The following MALT1 variants were observed in gnomAD, a reference collection of about 807,000 sequenced individuals.
MALT1 encodes the protein mucosa-associated lymphoid tissue lymphoma translocation protein 1.
In MALT1, 36 loss-of-function variants were observed where a neutral mutation model predicts 85.5. That is an observed-to-expected ratio of 0.42 (90% CI 0.32 to 0.56). The LOEUF (loss-of-function observed/expected upper bound fraction) is 0.56. Ranked by LOEUF, MALT1 falls within the 20% of genes least tolerant of loss-of-function variation. The pLI is 0.10. For missense variants in MALT1, 716 were observed against 981.6 expected, an observed-to-expected ratio of 0.73 and a Z score of 3.62; for synonymous variants, 359 against 361.3, an observed-to-expected ratio of 0.99 and a Z score of 0.07.
intron 15 of MALT1, 96 bp from the exon 16 acceptor site, chr18:58,745,570 G>A (rs2055354799): frequency 9.2e-6 from 10 of 1,084,092 alleles, no homozygotes; most frequent in East Asian, 4.8e-5. Flanking sequence ...CAGAATTCAC[G>A]AGAGGATAGT....
At chr18:58,711,938 T>G (rs899665027) in intron 7 of MALT1, among the ~76,000 whole-genome samples, 1 of 152,212 alleles carries the variant, frequency 6.6e-6, no homozygotes, top group Non-Finnish European at 1.5e-5. Context: ...ATCGAACTCC[T>G]CTTCCTCTCC....
At position 58,676,332 on chromosome 18, in the gene MALT1, ACCAGCCTGAGCAAC is replaced by A. The variant is rs532192427; in HGVS notation, c.209+4481_209+4494del. Reference sequence around the variant, plus strand: ...GATTACTTATGCCTAGGACTTCAAAACCAGCCTGAGCAACATAGATAGACCCCATTAAAAAAAAA... The same window carrying A: ...GATTACTTATGCCTAGGACTTCAAAAATAGATAGACCCCATTAAAAAAAAA... On this transcript the variant is annotated intron_variant, in intron 1 of 16. Coordinates refer to ENST00000649217, the MANE Select transcript of MALT1 (RefSeq NM_006785.4). 1.3e-3 allele frequency among the ~76,000 whole-genome samples: 196 copies of A among 152,260 alleles called. 2 individuals are homozygous for A. The highest frequency in any genetic ancestry group is 4.6e-3 in the African/African-American group (189 of 41,532).
Position 58,751,458 on chromosome 18 carries a change from T to C in MALT1, c.*3616T>C, listed in dbSNP as rs1294834131. On this transcript the variant is annotated 3_prime_UTR_variant, in exon 17 of 17. Coordinates refer to ENST00000649217, the MANE Select transcript of MALT1 (RefSeq NM_006785.4). ...CCCAGGCTGGAGTGCAGCGACATAGTCTCAGCTCACTGCAGCATCCGTGGA... is the reference window on the plus strand; with the variant it reads ...CCCAGGCTGGAGTGCAGCGACATAGCCTCAGCTCACTGCAGCATCCGTGGA... The C allele has an allele frequency of 6.6e-6, 1 of 152,040 alleles. No homozygotes were observed. The highest frequency in any genetic ancestry group is 6.5e-5 in the Admixed American group (1 of 15,270). 9.4% of individuals were successfully genotyped at this position (152,040 alleles called of 1,614,324 possible).
chr18:58,697,555 G>A (rs2054607916), intron 3 of MALT1, among the ~76,000 whole-genome samples: 1 of 151,938 alleles, frequency 6.6e-6, no homozygotes, highest in Non-Finnish European at 1.5e-5. Flanking sequence ...TGCACCTAAA[G>A]GTATTTTTTT....
intron 4 of MALT1, among the ~76,000 whole-genome samples, chr18:58,706,729 G>A (rs879448655): frequency 1.3e-5 from 2 of 152,096 alleles, no homozygotes; most frequent in Admixed American, 1.3e-4. Context: ...TATTTTCGTC[G>A]TGTATAGAAT....
chr18:58,698,212 G>A (rs758687227), intron 3 of MALT1, among the ~76,000 whole-genome samples: 16 of 151,868 alleles, frequency 1.1e-4, no homozygotes, highest in African/African-American at 2.2e-4. Context: ...GATTACAGGC[G>A]CGCATCACCA....
chr18:58,690,769 G>T, intron 2 of MALT1: 1 of 205,652 alleles, frequency 4.9e-6, no homozygotes, highest in Admixed American at 5.0e-5. Context: ...AGGCCCTCTG[G>T]CTTACCGAGG....
chr18:58,745,436 T>A (rs2055352697), intron 15 of MALT1, among the ~76,000 whole-genome samples: 1 of 152,172 alleles, frequency 6.6e-6, no homozygotes, highest in African/African-American at 2.4e-5. Context: ...GGAAGCTCTT[T>A]CAGAGCTCAC....
intron 4 of MALT1, among the ~76,000 whole-genome samples, chr18:58,702,732 T>C (rs2054691838): frequency 6.6e-6 from 1 of 152,206 alleles, no homozygotes; most frequent in East Asian, 1.9e-4. Context: ...AACTCTAGCG[T>C]TGATGTCAGC....
At position 58,671,812 on chromosome 18, in the gene MALT1, C is replaced by A; in HGVS notation, c.169C>A (p.Leu57Met). 1 of 1,236,230 alleles carries A rather than the reference C, an allele frequency of 8.1e-7. No homozygotes were observed. 76.6% of individuals were successfully genotyped at this position (1,236,230 alleles called of 1,614,324 possible). A position where few individuals can be genotyped will look rare whatever the true frequency, so the allele number is the denominator to read the frequency against. The change falls in exon 1 of 17, where the codon CTG (leucine) becomes ATG (methionine). Residue 57 changes from leucine (L) to methionine (M), a missense_variant. Leu to Met is a conservative substitution (Grantham distance 15, BLOSUM62 2). Around this residue, in one of 4 missense-constraint regions of MALT1, gnomAD observed 290 missense variants for 380.5 expected, o/e 0.76. Transcript: ENST00000649217. ...QAPEGRGWRR[L>M]AELAGSRGRL... ...GCCCGAGGGCCGGGGCTGGAGGAGA[C>A]TGGCGGAGCTGGCGGGGAGTCGCGG...
chr18:58,747,284 G>A (rs1316029302), intron 16 of MALT1, 121 bp from the exon 17 acceptor site: 15 of 657,672 alleles, frequency 2.3e-5, no homozygotes, highest in African/African-American at 7.2e-5. Flanking sequence ...TGAGGATTTG[G>A]AACCTGGGAA....
chr18:58,739,076 TGAA>T (rs1038465267), intron 13 of MALT1, among the ~76,000 whole-genome samples: 19 of 152,242 alleles, frequency 1.2e-4, no homozygotes, highest in African/African-American at 4.1e-4. Context: ...TCTGCAGCTA[TGAA>T]GAAGAAAATA....
chr18:58,751,649 C>A lies in MALT1; in HGVS notation c.*3807C>A, dbSNP rs547700438. 1 of 152,148 alleles carries A rather than the reference C, an allele frequency of 6.6e-6. No individual in the cohort carries two copies. Among genetic ancestry groups the A allele is most frequent in the East Asian group, 1.9e-4 (1 of 5,188 alleles). The allele number at this position is 152,148 out of a possible 1,614,324, so 9.4% of individuals were successfully genotyped here. On this transcript the variant is annotated 3_prime_UTR_variant, in exon 17 of 17. Coordinates refer to ENST00000649217, the MANE Select transcript of MALT1 (RefSeq NM_006785.4). The stretch of plus-strand genomic sequence containing the variant: ...CTTTGTAATATTAAAGTAGGATTTA[C>A]ACAAGTGGAATTTAGAAAAGATGAT...
chr18:58,731,535 T>G (rs1487632922), intron 10 of MALT1, among the ~76,000 whole-genome samples: 1 of 152,246 alleles, frequency 6.6e-6, no homozygotes, highest in Non-Finnish European at 1.5e-5. Context: ...TTAGCTTTCA[T>G]TCCAGGTCCA....
In MALT1 at chr18:58,721,376, G is replaced by A. The variant is rs988911431; in HGVS notation, c.1019-1672G>A. 3.9e-5 allele frequency among the ~76,000 whole-genome samples: 6 copies of A among 152,122 alleles called. No homozygotes were observed. In the East Asian group the frequency reaches 5.8e-4, roughly 15 times the overall value. ...GCCTGGGCAACAAGAGCGAAACTCC[G>A]TCTCAAAAAAAAGGAAATACAAGTG... is the stretch of plus-strand genomic sequence containing the variant. On this transcript the variant is annotated intron_variant, in intron 9 of 16. Transcript: ENST00000649217.
At chr18:58,679,735 G>C (rs2054292729) in intron 1 of MALT1, among the ~76,000 whole-genome samples, 2 of 152,216 alleles carry the variant, frequency 1.3e-5, no homozygotes, top group South Asian at 4.1e-4. Context: ...TTTTAGTAGA[G>C]ATGGGGCTTC....
intron 2 of MALT1, chr18:58,690,525 T>C: frequency 1.2e-5 from 2 of 171,506 alleles, no homozygotes; most frequent in Middle Eastern, 7.3e-4. Context: ...CCGGAGCCCA[T>C]CCCCTCTGTG....
intron 4 of MALT1, among the ~76,000 whole-genome samples, chr18:58,706,264 C>G (rs1217744360): frequency 6.6e-6 from 1 of 152,210 alleles, no homozygotes; most frequent in Non-Finnish European, 1.5e-5. Flanking sequence ...TCAACTGATT[C>G]TCCTGCCTCA....
At chr18:58,718,401 T>C (rs1162603524) in intron 9 of MALT1, among the ~76,000 whole-genome samples, 1 of 152,228 alleles carries the variant, frequency 6.6e-6, no homozygotes, top group African/African-American at 2.4e-5. Flanking sequence ...TGTTAGGAAC[T>C]GAGACACACA....
Sources: allele counts gnomAD v4.1 joint callset (sites outside exome capture counted in the v4.1 genomes callset), GRCh38; gene constraint gnomAD v4.1.1; regional missense constraint gnomAD v4.1.1; transcripts MANE v1.5; gene names NCBI Gene and HGNC (gene_info 2026-07-23, HGNC 2026-07-21).